TTC34: variants seen among roughly 807,000 people sequenced by gnomAD.
TTC34 encodes tetratricopeptide repeat protein 34.
In TTC34, 44 loss-of-function variants were observed where a neutral mutation model predicts 40.7. That is an observed-to-expected ratio of 1.08 (90% CI 0.85 to 1.39). The LOEUF (loss-of-function observed/expected upper bound fraction) is 1.39. TTC34 is among the 40% of genes most tolerant of loss of function. The pLI, the probability that TTC34 is intolerant of heterozygous loss-of-function variation, is 0.00. For synonymous variants in TTC34, 422 were observed against 398.6 expected, an observed-to-expected ratio of 1.06 and a Z score of -0.70; for missense variants, 884 against 838.0, an observed-to-expected ratio of 1.05 and a Z score of -0.68.
At chr1:2,753,049 C>A (rs1641377314) in intron 6 of TTC34, among the ~76,000 whole-genome samples, 1 of 150,632 alleles carries the variant, frequency 6.6e-6, no homozygotes, top group Non-Finnish European at 1.5e-5. Context: ...GGAGCAGCAC[C>A]CACACCCCCA....
chr1:2,791,409 A>AG (rs1174298835), intron 2 of TTC34, among the ~76,000 whole-genome samples: 5 of 152,320 alleles, frequency 3.3e-5, no homozygotes, highest in Middle Eastern at 3.4e-3. Flanking sequence ...GAATTTTCAA[A>AG]CAGCTTTTCC....
chr1:2,789,891 G>C, exon 3 of TTC34: 1 of 413,750 alleles, frequency 2.4e-6, no homozygotes. Context: ...AGAGGTGCGC[G>C]GTCCCCTGCA....
At chr1:2,676,901 T>A (rs1639923250) in intron 6 of TTC34, among the ~76,000 whole-genome samples, 1 of 137,376 alleles carries the variant, frequency 7.3e-6, no homozygotes, top group African/African-American at 2.8e-5. Context: ...CAGGTGAGCA[T>A]CTGACAGCCT....
At chr1:2,652,341 T>C (rs1570753371) in intron 6 of TTC34, among the ~76,000 whole-genome samples, 160 of 111,826 alleles carry the variant, frequency 1.4e-3, no homozygotes, top group Middle Eastern at 9.8e-3. Flanking sequence ...GGTGAGCATC[T>C]GATATCCTGG....
chr1:2,800,000 G>C (rs1643754649), intron 2 of TTC34, 44 bp downstream of exon 2: 5 of 398,550 alleles, frequency 1.3e-5, no homozygotes, highest in Admixed American at 8.8e-5. Flanking sequence ...AGTGGCGGGG[G>C]CAGCTTTCAC....
At chr1:2,684,902 G>T (rs1304847520) in intron 6 of TTC34, among the ~76,000 whole-genome samples, 5 of 133,108 alleles carry the variant, frequency 3.8e-5, no homozygotes, top group African/African-American at 1.6e-4. Flanking sequence ...TGACAGCCTG[G>T]AACAGCACCC....
intron 6 of TTC34, among the ~76,000 whole-genome samples, chr1:2,683,753 C>G (rs1317297682): frequency 1.3e-5 from 2 of 150,232 alleles, no homozygotes; most frequent in Non-Finnish European, 2.9e-5. Flanking sequence ...AGCACCCACA[C>G]CCCCAGGTGA....
At chr1:2,675,051 G>A (rs1639848277) in intron 6 of TTC34, among the ~76,000 whole-genome samples, 2 of 132,998 alleles carry the variant, frequency 1.5e-5, no homozygotes, top group African/African-American at 2.7e-5. Flanking sequence ...CCACAGGTGA[G>A]CATCGGAGAG....
chr1:2,752,641 CTG>C, intron 6 of TTC34, among the ~76,000 whole-genome samples: 1 of 120,706 alleles, frequency 8.3e-6, no homozygotes, highest in African/African-American at 3.6e-5. Context: ...CACCCTGGAA[CTG>C]CACACACACC....
In TTC34 at chr1:2,641,583, A is replaced by AG; in HGVS notation, c.3024dup (p.Ser1009LeufsTer87). The stretch of plus-strand genomic sequence containing the variant: ...CTGCACAGGCTGTTCTGGGCCAAGG[A>AG]GGGCGCCAGCTTCAGGGCCTGGGCA... On this transcript the variant is annotated frameshift_variant, in exon 9 of 9. Coordinates refer to ENST00000401095, the Ensembl canonical transcript of TTC34. LOFTEE classifies it low-confidence loss of function (END_TRUNC). The AG allele has an allele frequency of 6.5e-7, 1 of 1,533,136 alleles. No homozygotes were observed. Among genetic ancestry groups the AG allele is most frequent in the Non-Finnish European group, 8.7e-7 (1 of 1,145,422 alleles). 95.0% of individuals were successfully genotyped at this position (1,533,136 alleles called of 1,614,324 possible).
In TTC34 at chr1:2,684,966, G is replaced by A. The variant is rs538254209; in HGVS notation, c.2227-39403C>T. Among the ~76,000 whole-genome samples the A allele has an allele frequency of 1.3e-3, 187 of 140,444 alleles. 6 individuals are homozygous for A. The highest frequency in any genetic ancestry group is 1.0e-3 in the East Asian group (5 of 4,800). The allele number at this position is 140,444 out of a possible 152,430, so 92.1% of individuals were successfully genotyped here. A position where few individuals can be genotyped will look rare whatever the true frequency, so the allele number is the denominator to read the frequency against. On this transcript the variant is annotated intron_variant, in intron 6 of 8. Transcript: ENST00000401095. ...TGGAGCACCACCCACACCCCCAGAC[G>A]AGCATCTGACAGCTTAGAACAGCAC...
rs1480683107 is a variant in TTC34, at chr1:2,687,796, G to A, written c.2227-42233C>T. 1.0e-3 allele frequency among the ~76,000 whole-genome samples: 132 copies of A among 129,418 alleles called. 5 individuals carry two copies. Among genetic ancestry groups the A allele is most frequent in the African/African-American group, 4.1e-3 (122 of 30,108 alleles). 84.9% of individuals were successfully genotyped at this position (129,418 alleles called of 152,430 possible). ...AGGCGAGCATCTGACAGCCTGGGTCGGCACCCACACCTCCAGGTGAGCATC... is the reference window on the plus strand; with the variant it reads ...AGGCGAGCATCTGACAGCCTGGGTCAGCACCCACACCTCCAGGTGAGCATC... On this transcript the variant is annotated intron_variant, in intron 6 of 8. Transcript: ENST00000401095.
chr1:2,694,068 A>T (rs1190243728), intron 6 of TTC34, among the ~76,000 whole-genome samples: 1 of 27,044 alleles, frequency 3.7e-5, no homozygotes, highest in African/African-American at 1.4e-4. Flanking sequence ...GCACCCACAC[A>T]CCCAGGTGAG....
chr1:2,791,865 G>A (rs10909839), intron 2 of TTC34, among the ~76,000 whole-genome samples: 59,266 of 151,608 alleles, frequency 0.39, 12,213 homozygotes, highest in East Asian at 0.55. Flanking sequence ...ATTGTCCCCA[G>A]GTCACCCAGC....
At chr1:2,751,603 C>T (rs1436055990) in intron 6 of TTC34, among the ~76,000 whole-genome samples, 1 of 43,232 alleles carries the variant, frequency 2.3e-5, no homozygotes. Context: ...CAACAGCACC[C>T]ACACCCCCAG....
chr1:2,748,739 C>T (rs1347349985), intron 6 of TTC34, among the ~76,000 whole-genome samples: 1 of 61,428 alleles, frequency 1.6e-5, no homozygotes, highest in South Asian at 4.9e-4. Context: ...GAGCATCTGA[C>T]AGACTGGAAC....
chr1:2,789,033 G>A (rs1326163024), intron 3 of TTC34, among the ~76,000 whole-genome samples: 2 of 152,140 alleles, frequency 1.3e-5, no homozygotes, highest in Non-Finnish European at 2.9e-5. Context: ...AGCCAAGATT[G>A]CGCCATTGCA....
At chr1:2,792,086 G>A (rs1390089004) in intron 2 of TTC34, among the ~76,000 whole-genome samples, 4 of 135,588 alleles carry the variant, frequency 3.0e-5, no homozygotes, top group South Asian at 2.4e-4. Context: ...GTGTAAATAC[G>A]GCTCACTGTA....
At chr1:2,751,727 C>G (rs1641327115) in intron 6 of TTC34, among the ~76,000 whole-genome samples, 2 of 147,538 alleles carry the variant, frequency 1.4e-5, no homozygotes, top group Non-Finnish European at 3.0e-5. Flanking sequence ...AGCACCCACA[C>G]CCCCAGGTGA....
Sources: allele counts gnomAD v4.1 joint callset (sites outside exome capture counted in the v4.1 genomes callset), GRCh38; gene constraint gnomAD v4.1.1; transcripts MANE v1.5; gene names NCBI Gene and HGNC (gene_info 2026-07-23, HGNC 2026-07-21).